DNAH3: variants seen among roughly 807,000 people sequenced by gnomAD.
The protein encoded by DNAH3 is dynein axonemal heavy chain 3, also known as axonemal beta dynein heavy chain 3.
A neutral mutation model predicts 432.5 loss-of-function variants in DNAH3; 332 were observed. The observed-to-expected ratio is 0.77, with a 90% CI of 0.70 to 0.84. The LOEUF (loss-of-function observed/expected upper bound fraction) is 0.84, where lower values mean the gene tolerates loss of function less well. Among genes scored for constraint, DNAH3 ranks in the 40% least tolerant of loss-of-function variants. The pLI, the probability that DNAH3 is intolerant of heterozygous loss-of-function variation, is 0.00. For synonymous variants in DNAH3, 1,956 were observed against 1,900.2 expected, an observed-to-expected ratio of 1.03 and a Z score of -0.76; for missense variants, 4,861 against 5,114.0, an observed-to-expected ratio of 0.95 and a Z score of 1.51.
At chr16:21,136,223 G>C (rs1264570957) in intron 6 of DNAH3, 101 bp downstream of exon 7, 28 of 1,171,584 alleles carry the variant, frequency 2.4e-5, no homozygotes, top group Non-Finnish European at 3.4e-5. Flanking sequence ...AGACCAGCCT[G>C]AGCAACAAAG....
intron 60 of DNAH3, 118 bp from the exon 61 acceptor site, chr16:20,935,603 C>A: frequency 8.6e-7 from 1 of 1,161,238 alleles, no homozygotes; most frequent in South Asian, 1.5e-5. Flanking sequence ...TTGAAACAGC[C>A]CTCTTGGTTT....
At chr16:20,985,164 G>C (rs1237815708) in exon 48 of DNAH3, 1 of 1,614,172 alleles carries the variant, frequency 6.2e-7, no homozygotes, top group East Asian at 2.2e-5. Context: ...TCTTCTCCAC[G>C]ATGTCAGCCT....
At chr16:20,954,951 G>A (rs12924551) in exon 55 of DNAH3, 138,327 of 1,614,046 alleles carry the variant, frequency 0.086, 6,673 homozygotes, top group East Asian at 0.17. Context: ...AGGTAGGAGC[G>A]CAACAGGTTG....
Position 20,982,580 on chromosome 16 carries a change from A to T in DNAH3, c.7859+141T>A, listed in dbSNP as rs999211070. 7.7e-6 allele frequency: 5 copies of T among 645,334 alleles called. No homozygotes were observed. In the African/African-American group the frequency reaches 9.1e-5, roughly 12 times the overall value. The allele number at this position is 645,334 out of a possible 1,614,324, so 40.0% of individuals were successfully genotyped here. On this transcript the variant is annotated intron_variant, in intron 49 of 61. Coordinates refer to ENST00000261383, the Ensembl canonical transcript of DNAH3. The stretch of plus-strand genomic sequence containing the variant: ...GACAAGATGCTTTATTAAATATCTA[A>T]CTAACTGTGATTCAATTTAAAAGCA...
chr16:21,079,971 G>A (rs1597330456), intron 20 of DNAH3, among the ~76,000 whole-genome samples: 1 of 152,152 alleles, frequency 6.6e-6, no homozygotes, highest in East Asian at 1.9e-4. Context: ...TATCAGAATC[G>A]CCTGGAGCAG....
intron 9 of DNAH3, among the ~76,000 whole-genome samples, chr16:21,124,018 C>T (rs1191293130): frequency 6.6e-6 from 1 of 152,180 alleles, no homozygotes. Flanking sequence ...TCTCAAACTC[C>T]TGACCTCAGG....
intron 36 of DNAH3, among the ~76,000 whole-genome samples, chr16:21,032,308 G>A (rs1296670213): frequency 6.6e-6 from 1 of 152,156 alleles, no homozygotes; most frequent in African/African-American, 2.4e-5. Context: ...GTCTCTGAAG[G>A]GCTAGTTTGG....
rs1197081505 is a variant in DNAH3 at position 20,997,442 on chromosome 16, T to C, written c.6442A>G (p.Lys2148Glu). 2.5e-6 allele frequency: 4 copies of C among 1,613,966 alleles called. No homozygotes were observed. Among genetic ancestry groups the C allele is most frequent in the Admixed American group, 1.7e-5 (1 of 59,978 alleles). The change falls in exon 44 of 62, where the codon AAA (lysine) becomes GAA (glutamate). Residue 2148 changes from lysine (K) to glutamate (E), a missense_variant. Transcript: ENST00000261383. ...GGTGGCTGGGCCCCATACACCTCTT[T>C]GGCTGGCATGTTGAGGTCATCTGGG...
chr16:21,012,197 C>T (rs922911819), intron 41 of DNAH3, among the ~76,000 whole-genome samples: 1 of 152,024 alleles, frequency 6.6e-6, no homozygotes, highest in Non-Finnish European at 1.5e-5. Flanking sequence ...AAGCGCACCT[C>T]GAAAGACCAA....
At chr16:21,022,063 A>T (rs1597161649) in exon 40 of DNAH3, 1 of 1,614,054 alleles carries the variant, frequency 6.2e-7, no homozygotes, top group East Asian at 2.2e-5. Flanking sequence ...ACCAAATTCC[A>T]GGCAGGGCTG....
chr16:21,006,059 T>C (rs1225767337), intron 41 of DNAH3, among the ~76,000 whole-genome samples: 1 of 152,202 alleles, frequency 6.6e-6, no homozygotes, highest in African/African-American at 2.4e-5. Flanking sequence ...TTTATACTAT[T>C]GATTGGAGTT....
chr16:21,044,814 CATAG>C (rs1426306836), intron 31 of DNAH3, among the ~76,000 whole-genome samples: 4 of 111,112 alleles, frequency 3.6e-5, no homozygotes, highest in Non-Finnish European at 7.2e-5. Flanking sequence ...GTGGGTTTGT[CATAG>C]ATAGCTCTTA....
intron 14 of DNAH3, among the ~76,000 whole-genome samples, chr16:21,109,814 T>C (rs138075044): frequency 0.011 from 1,743 of 151,970 alleles, 29 homozygotes; most frequent in African/African-American, 0.04. Context: ...ACATGGTTCA[T>C]TGCAGCCTCG....
Position 21,052,439 on chromosome 16 carries a change from A to T in DNAH3, c.4040-571T>A, listed in dbSNP as rs551502270. On this transcript the variant is annotated intron_variant, in intron 28 of 61. Transcript: ENST00000261383. ...CTCAGACAGCACGGCAGAGGTATTA[A>T]AAGGTGCGTGCTCTGAAATCAGACT... Among the ~76,000 whole-genome samples the T allele has an allele frequency of 9.2e-5, 14 of 152,346 alleles. No homozygotes were observed. In the South Asian group the frequency reaches 2.9e-3, roughly 32 times the overall value.
chr16:20,964,714 G>A (rs2084975269), exon 53 of DNAH3: 1 of 1,614,046 alleles, frequency 6.2e-7, no homozygotes, highest in African/African-American at 1.3e-5. Context: ...GGGAAGCCCA[G>A]CAATCTGCCA....
chr16:21,033,301 G>C (rs1283537904), intron 36 of DNAH3, among the ~76,000 whole-genome samples: 1 of 152,078 alleles, frequency 6.6e-6, no homozygotes, highest in African/African-American at 2.4e-5. Flanking sequence ...TGAAACTATA[G>C]GTTTGTGTTT....
At chr16:20,966,703 G>A (rs1425431876) in intron 52 of DNAH3, among the ~76,000 whole-genome samples, 1 of 152,184 alleles carries the variant, frequency 6.6e-6, no homozygotes, top group Non-Finnish European at 1.5e-5. Context: ...AAGGCAGCGG[G>A]AGCCACAGCC....
rs149614228 is a variant in DNAH3, at chr16:21,119,048, G to A, written c.1699+1692C>T. ...ATCTGTGTCTTGTTTGGCCAATCCAGAGGTTTTGAAACCAGTGGAGGAGCA... is the reference window on the plus strand; with the variant it reads ...ATCTGTGTCTTGTTTGGCCAATCCAAAGGTTTTGAAACCAGTGGAGGAGCA... On this transcript the variant is annotated intron_variant, in intron 11 of 61. Coordinates refer to ENST00000261383, the Ensembl canonical transcript of DNAH3. Among the ~76,000 whole-genome samples the A allele has an allele frequency of 2.6e-5, 4 of 152,302 alleles. No individual in the cohort carries two copies. In the East Asian group the frequency reaches 7.7e-4, roughly 29 times the overall value.
exon 41 of DNAH3, chr16:21,019,720 C>T: frequency 6.2e-7 from 1 of 1,614,140 alleles, no homozygotes. Context: ...AAAAACACAT[C>T]AAATTTCTTT....
Sources: allele counts gnomAD v4.1 joint callset (sites outside exome capture counted in the v4.1 genomes callset), GRCh38; gene constraint gnomAD v4.1.1; transcripts MANE v1.5; gene names NCBI Gene and HGNC (gene_info 2026-07-23, HGNC 2026-07-21).